The following PLEKHG1 variants were observed in gnomAD, a reference collection of about 807,000 sequenced individuals.
PLEKHG1 encodes the protein pleckstrin homology and RhoGEF domain containing G1, also known as pleckstrin homology domain-containing family G member 1.
A neutral mutation model predicts 100.8 loss-of-function variants in PLEKHG1; 44 were observed. That is an observed-to-expected ratio of 0.44 (90% CI 0.34 to 0.56). The LOEUF (loss-of-function observed/expected upper bound fraction) is 0.56. Among genes scored for constraint, PLEKHG1 ranks in the 20% least tolerant of loss-of-function variants. The pLI is 0.01. For missense variants in PLEKHG1, 1,545 were observed against 1,720.9 expected (o/e 0.90, Z 1.81); for synonymous variants, 640 against 662.5 (o/e 0.97, Z 0.52).
At chr6:150,749,609 T>A (rs962001121) in intron 2 of PLEKHG1, among the ~76,000 whole-genome samples, 1 of 152,070 alleles carries the variant, frequency 6.6e-6, no homozygotes, top group Non-Finnish European at 1.5e-5. Context: ...AAGGACCAGT[T>A]GATAGTCTGG....
At chr6:150,649,747 CA>C (rs1346148892) in intron 2 of PLEKHG1, among the ~76,000 whole-genome samples, 2 of 149,006 alleles carry the variant, frequency 1.3e-5, no homozygotes. Context: ...CGCGGTGGCT[CA>C]TGGCTGTAAT....
At chr6:150,728,187 T>C (rs1189111906) in intron 1 of PLEKHG1, among the ~76,000 whole-genome samples, 1 of 152,274 alleles carries the variant, frequency 6.6e-6, no homozygotes. Context: ...GAGGTAAATT[T>C]AAATCTTCAA....
chr6:150,824,129 G>GT (rs2128681711), intron 14 of PLEKHG1, among the ~76,000 whole-genome samples: 1 of 152,358 alleles, frequency 6.6e-6, no homozygotes, highest in African/African-American at 2.4e-5. Context: ...TGCTGCTGAC[G>GT]TAAGAGGTGA....
intron 3 of PLEKHG1, among the ~76,000 whole-genome samples, chr6:150,653,576 C>A (rs1283619494): frequency 6.6e-6 from 1 of 151,984 alleles, no homozygotes; most frequent in African/African-American, 2.4e-5. Context: ...CACGGTGAGA[C>A]CCCATCTCTG....
chr6:150,684,983 A>G (rs1442552252), intron 3 of PLEKHG1, among the ~76,000 whole-genome samples: 2 of 152,014 alleles, frequency 1.3e-5, no homozygotes, highest in African/African-American at 4.8e-5. Context: ...CTCTTGATAG[A>G]GGCTCTCTTC....
chr6:150,614,562 A>G (rs1243238350), intron 1 of PLEKHG1, among the ~76,000 whole-genome samples: 1 of 152,132 alleles, frequency 6.6e-6, no homozygotes, highest in Non-Finnish European at 1.5e-5. Context: ...AGAGTTCCCA[A>G]GACAGAGGGG....
At chr6:150,687,859 G>A (rs560336872) in intron 3 of PLEKHG1, among the ~76,000 whole-genome samples, 7 of 152,212 alleles carry the variant, frequency 4.6e-5, no homozygotes, top group South Asian at 2.1e-4. Flanking sequence ...TTTAGGCAGC[G>A]GCATGCTCTG....
rs9478769 is a variant in PLEKHG1, at chr6:150,615,256, C to G, written c.-204+15239C>G. On this transcript the variant is annotated intron_variant, in intron 1 of 3. Transcript: ENST00000367326. ...ACACCTTGGTCTGAGGCAGATTATC[C>G]GGTATTTGAGATGAATAAAGCTCTG... Among the ~76,000 whole-genome samples, 683 of 152,206 alleles carry G rather than the reference C, an allele frequency of 4.5e-3. 7 individuals carry two copies. Among genetic ancestry groups the G allele is most frequent in the African/African-American group, 0.016 (645 of 41,512 alleles).
chr6:150,630,578 C>T (rs1439362530), intron 1 of PLEKHG1, among the ~76,000 whole-genome samples: 7 of 152,084 alleles, frequency 4.6e-5, no homozygotes, highest in Non-Finnish European at 7.4e-5. Context: ...AGGTTAGCAA[C>T]GGGGAGAAAC....
chr6:150,753,494 C>T (rs562068200), intron 2 of PLEKHG1, among the ~76,000 whole-genome samples: 311 of 152,230 alleles, frequency 2.0e-3, no homozygotes, highest in Admixed American at 5.9e-3. Flanking sequence ...GGGGACCTGC[C>T]GAGCTGGCCG....
At chr6:150,783,085 A>G (rs2128649488) in intron 3 of PLEKHG1, among the ~76,000 whole-genome samples, 1 of 143,850 alleles carries the variant, frequency 7.0e-6, no homozygotes, top group African/African-American at 2.7e-5. Context: ...TCCAAAACAC[A>G]TGTTTAAAAA....
At chr6:150,698,633 C>T (rs1780645695) in intron 3 of PLEKHG1, among the ~76,000 whole-genome samples, 1 of 152,120 alleles carries the variant, frequency 6.6e-6, no homozygotes, top group Non-Finnish European at 1.5e-5. Flanking sequence ...AACACAAGTA[C>T]CTCCTGTAAC....
At chr6:150,603,700 A>G (rs1453296364) in intron 1 of PLEKHG1, among the ~76,000 whole-genome samples, 2 of 151,948 alleles carry the variant, frequency 1.3e-5, no homozygotes, top group Non-Finnish European at 2.9e-5. Flanking sequence ...AAAACCAAAA[A>G]CACTTTTTCT....
At chr6:150,824,074 C>T (rs1020544247) in intron 14 of PLEKHG1, among the ~76,000 whole-genome samples, 3 of 152,204 alleles carry the variant, frequency 2.0e-5, no homozygotes, top group Non-Finnish European at 4.4e-5. Context: ...CAAGCGCGAG[C>T]CTTCATTCAC....
chr6:150,666,070 T>C (rs1779385742), intron 3 of PLEKHG1, among the ~76,000 whole-genome samples: 1 of 152,192 alleles, frequency 6.6e-6, no homozygotes, highest in Admixed American at 6.5e-5. Flanking sequence ...CAATTTCCTG[T>C]TAAAAAACAA....
At chr6:150,714,809 G>T (rs998781968) in intron 3 of PLEKHG1, among the ~76,000 whole-genome samples, 4 of 148,724 alleles carry the variant, frequency 2.7e-5, no homozygotes, top group Non-Finnish European at 6.0e-5. Context: ...TTTGCTGACA[G>T]AATTTTTTTC....
intron 3 of PLEKHG1, among the ~76,000 whole-genome samples, chr6:150,775,330 G>C (rs994010480): frequency 6.6e-6 from 1 of 152,138 alleles, no homozygotes; most frequent in African/African-American, 2.4e-5. Context: ...TGAAGAGTGA[G>C]GAAATAAAGA....
chr6:150,709,474 C>T (rs1017970053), intron 3 of PLEKHG1, among the ~76,000 whole-genome samples: 2 of 152,160 alleles, frequency 1.3e-5, no homozygotes, highest in African/African-American at 2.4e-5. Flanking sequence ...ATTTGAGAGC[C>T]TCAAGAGAGT....
chr6:150,806,651 C>T (rs946145727), intron 7 of PLEKHG1, among the ~76,000 whole-genome samples: 5 of 133,784 alleles, frequency 3.7e-5, no homozygotes, highest in Non-Finnish European at 6.2e-5. Context: ...GGTGACAGAG[C>T]GAGACTGTCT....
Sources: allele counts gnomAD v4.1 joint callset (sites outside exome capture counted in the v4.1 genomes callset), GRCh38; gene constraint gnomAD v4.1.1; transcripts MANE v1.5; gene names NCBI Gene and HGNC (gene_info 2026-07-23, HGNC 2026-07-21).